Variants in SLC9A3 observed in about 807,000 individuals in gnomAD.
The protein encoded by SLC9A3 is sodium/hydrogen exchanger 3.
In SLC9A3, 37 loss-of-function variants were observed where a neutral mutation model predicts 86.8. The ratio of observed to expected loss-of-function variants is 0.43; its 90% CI spans 0.33 to 0.56. SLC9A3 has a LOEUF of 0.56. Among genes scored for constraint, SLC9A3 ranks in the 20% least tolerant of loss-of-function variants. The pLI is 0.06. For synonymous variants in SLC9A3, 581 were observed against 528.3 expected (o/e 1.10, Z -1.37); for missense variants, 1,011 against 1,171.9 (o/e 0.86, Z 2.00).
chr5:502,860 T>TCAAAGCC, intron 1 of SLC9A3, among the ~76,000 whole-genome samples: 1 of 132,694 alleles, frequency 7.5e-6, no homozygotes, highest in Non-Finnish European at 1.8e-5. Context: ...AGATGGGCGC[T>TCAAAGCC]GTGTTCCAGT....
chr5:509,139 G>A (rs774780046), intron 1 of SLC9A3, among the ~76,000 whole-genome samples: 1 of 150,984 alleles, frequency 6.6e-6, no homozygotes, highest in African/African-American at 2.4e-5. Context: ...AGAAGATAGA[G>A]AAAAAAAGAC....
chr5:487,897 A>G (rs1739545116), intron 3 of SLC9A3, among the ~76,000 whole-genome samples: 1 of 151,960 alleles, frequency 6.6e-6, no homozygotes, highest in Admixed American at 6.6e-5. Flanking sequence ...CGAACTGCTG[A>G]CCTCAGGTGA....
At chr5:506,357 C>T (rs958569332) in intron 1 of SLC9A3, among the ~76,000 whole-genome samples, 3 of 152,162 alleles carry the variant, frequency 2.0e-5, no homozygotes, top group Admixed American at 6.5e-5. Context: ...TGCTGGGGTG[C>T]GCGGCAGGGC....
rs1216381243 is a variant in SLC9A3, at chr5:476,528, G to A, written c.1890+15C>T. 6.2e-6 allele frequency: 10 copies of A among 1,609,460 alleles called. No homozygotes were observed. The highest frequency in any genetic ancestry group is 8.5e-6 in the Non-Finnish European group (10 of 1,179,074). ...TCCCTGCGGGGTCCTCCAGCCCCCA[G>A]CCCGCAGTGCCCACCTCCTGCCGCG... On this transcript the variant is annotated intron_variant, in intron 12 of 16. Coordinates refer to ENST00000264938, the MANE Select transcript of SLC9A3 (RefSeq NM_004174.4).
chr5:494,018 C>G (rs1409708542), intron 1 of SLC9A3, among the ~76,000 whole-genome samples: 1 of 152,208 alleles, frequency 6.6e-6, no homozygotes, highest in East Asian at 1.9e-4. Flanking sequence ...GGAGGGTGAG[C>G]TCCCTGGAGT....
At chr5:508,836 T>C (rs1296973203) in intron 1 of SLC9A3, among the ~76,000 whole-genome samples, 4 of 152,244 alleles carry the variant, frequency 2.6e-5, no homozygotes, top group Non-Finnish European at 5.9e-5. Context: ...AGGCCACAGG[T>C]GGTGGCTCAC....
chr5:482,760 A>G lies in SLC9A3; in HGVS notation c.1154-10T>C. On this transcript the variant is annotated splice_polypyrimidine_tract_variant and intron_variant, in intron 6 of 16. Coordinates refer to ENST00000264938, the MANE Select transcript of SLC9A3 (RefSeq NM_004174.4). ...GTCTGCAGGACCACACCTGCGGATG[A>G]TGGGGCGGGCACTCAGCTCCCCGGC... 21 of 1,587,724 alleles carry G rather than the reference A, an allele frequency of 1.3e-5. No individual in the cohort carries two copies. Among genetic ancestry groups the G allele is most frequent in the Non-Finnish European group, 1.7e-5 (20 of 1,167,594 alleles).
intron 1 of SLC9A3, among the ~76,000 whole-genome samples, chr5:508,255 G>A (rs548897361): frequency 3.3e-5 from 5 of 151,276 alleles, no homozygotes; most frequent in African/African-American, 1.2e-4. Flanking sequence ...TGGAGATGCC[G>A]CAGAGAGACG....
chr5:509,224 C>T (rs375469050), intron 1 of SLC9A3, among the ~76,000 whole-genome samples: 4 of 150,468 alleles, frequency 2.7e-5, no homozygotes, highest in South Asian at 2.1e-4. Context: ...AATGGTGGAG[C>T]GGATCACTTG....
intron 1 of SLC9A3, among the ~76,000 whole-genome samples, chr5:507,870 C>A (rs1434727381): frequency 1.9e-5 from 1 of 53,238 alleles, no homozygotes; most frequent in Non-Finnish European, 4.0e-5. Flanking sequence ...GCCCGAATCT[C>A]CACCCCACAG....
intron 1 of SLC9A3, among the ~76,000 whole-genome samples, chr5:520,919 C>T (rs936306746): frequency 1.3e-5 from 2 of 152,184 alleles, no homozygotes; most frequent in Non-Finnish European, 2.9e-5. Flanking sequence ...GTTCCCAACA[C>T]GGACGGTGCA....
intron 1 of SLC9A3, among the ~76,000 whole-genome samples, chr5:510,539 A>G (rs779225602): frequency 6.6e-6 from 1 of 152,188 alleles, no homozygotes; most frequent in Non-Finnish European, 1.5e-5. Flanking sequence ...TTGATTTTTC[A>G]TCTGACAAAG....
intron 2 of SLC9A3, among the ~76,000 whole-genome samples, chr5:489,195 C>T (rs574253573): frequency 3.3e-5 from 5 of 152,302 alleles, no homozygotes; most frequent in South Asian, 2.1e-4. Flanking sequence ...CACGTGGCCC[C>T]GAGAGTCTGC....
intron 1 of SLC9A3, among the ~76,000 whole-genome samples, chr5:493,694 C>T (rs959278222): frequency 6.6e-6 from 1 of 152,238 alleles, no homozygotes; most frequent in Non-Finnish European, 1.5e-5. Context: ...CTGCCTGCTG[C>T]TCCAGATTCC....
chr5:519,941 C>G (rs976117836), intron 1 of SLC9A3, among the ~76,000 whole-genome samples: 1 of 152,198 alleles, frequency 6.6e-6, no homozygotes, highest in East Asian at 1.9e-4. Context: ...TCCAGATACC[C>G]GTCTCGCTCC....
At chr5:483,634 G>T (rs916743269) in intron 5 of SLC9A3, 152 bp from the exon 6 acceptor site, 14 of 653,230 alleles carry the variant, frequency 2.1e-5, no homozygotes, top group Non-Finnish European at 3.8e-5. Context: ...AGGCTGGGCC[G>T]CCAGGGTTCC....
At chr5:481,415 C>T (rs1318826548) in intron 9 of SLC9A3, 150 bp downstream of exon 9, 3 of 733,676 alleles carry the variant, frequency 4.1e-6, no homozygotes, top group African/African-American at 1.7e-5. Flanking sequence ...TCTCGGGGCA[C>T]ACCTGGCACC....
chr5:478,934 C>T (rs1738961040), intron 10 of SLC9A3: 1 of 140,670 alleles, frequency 7.1e-6, no homozygotes, highest in Admixed American at 7.4e-5. Context: ...TTGGCATGGC[C>T]CCAGTCACGG....
At position 510,820 on chromosome 5, in the gene SLC9A3, G is replaced by A. The variant is rs75342527; in HGVS notation, c.211+13292C>T. ...AGGGCTGCTGGGTGCAGGGGTGGGCGGGAAGATGCACCAGCAGCACACGCA... is the reference window on the plus strand; with the variant it reads ...AGGGCTGCTGGGTGCAGGGGTGGGCAGGAAGATGCACCAGCAGCACACGCA... On this transcript the variant is annotated intron_variant, in intron 1 of 16. Coordinates refer to ENST00000264938, the MANE Select transcript of SLC9A3 (RefSeq NM_004174.4). Among the ~76,000 whole-genome samples the A allele has an allele frequency of 5.8e-3, 880 of 152,278 alleles. 7 individuals carry two copies. The highest frequency in any genetic ancestry group is 0.02 in the African/African-American group (837 of 41,544).
Sources: allele counts gnomAD v4.1 joint callset (sites outside exome capture counted in the v4.1 genomes callset), GRCh38; gene constraint gnomAD v4.1.1; transcripts MANE v1.5; gene names NCBI Gene and HGNC (gene_info 2026-07-23, HGNC 2026-07-21).